ATPAF2: variants seen among roughly 807,000 people sequenced by gnomAD.
ATPAF2 encodes the protein ATP12 homolog.
A neutral mutation model predicts 36.6 loss-of-function variants in ATPAF2; 30 were observed. The observed-to-expected ratio is 0.82, with a 90% CI of 0.61 to 1.11. ATPAF2 has a LOEUF of 1.11. Among genes scored for constraint, ATPAF2 ranks in the 50% most tolerant of loss-of-function variants. The probability of loss-of-function intolerance (pLI) is 0.00; values close to 1 mark genes in which losing one functional copy is unlikely to be tolerated. For missense variants in ATPAF2, 321 were observed against 372.3 expected, an observed-to-expected ratio of 0.86 and a Z score of 1.13; for synonymous variants, 140 against 152.6, an observed-to-expected ratio of 0.92 and a Z score of 0.61.
intron 3 of ATPAF2, chr17:18,027,941 C>T: frequency 2.2e-6 from 1 of 454,524 alleles, no homozygotes; most frequent in African/African-American, 2.0e-5. Context: ...AAATGGCCAG[C>T]TGCTGTCATA....
chr17:18,025,246 C>T (rs1362865958), intron 4 of ATPAF2: 2 of 194,504 alleles, frequency 1.0e-5, no homozygotes, highest in African/African-American at 2.4e-5. Context: ...CATAAGTCCA[C>T]CCACCTCCTG....
rs1301281645 is a variant in ATPAF2, at chr17:18,020,891, C to T, written c.732+232G>A. On this transcript the variant is annotated intron_variant, in intron 7 of 7. Coordinates refer to ENST00000474627, the MANE Select transcript of ATPAF2 (RefSeq NM_145691.4). ...GCCCAGGCTGGTCTCAAACTCCTGACCTCAAATGATCCATCCTCCTCAGCC... is the reference window on the plus strand; with the variant it reads ...GCCCAGGCTGGTCTCAAACTCCTGATCTCAAATGATCCATCCTCCTCAGCC... The T allele has an allele frequency of 1.7e-5, 19 of 1,102,502 alleles. No individual in the cohort carries two copies. In the South Asian group the frequency reaches 2.9e-4, roughly 17 times the overall value. The allele number at this position is 1,102,502 out of a possible 1,614,324, so 68.3% of individuals were successfully genotyped here. A position where few individuals can be genotyped will look rare whatever the true frequency, so the allele number is the denominator to read the frequency against.
chr17:18,032,537 G>A (rs982345505), intron 1 of ATPAF2, among the ~76,000 whole-genome samples: 4 of 152,246 alleles, frequency 2.6e-5, no homozygotes, highest in African/African-American at 9.6e-5. Flanking sequence ...GCACATAGAT[G>A]TGTTTTAGCC....
intron 7 of ATPAF2, among the ~76,000 whole-genome samples, chr17:18,020,419 A>G (rs2145485608): frequency 6.6e-6 from 1 of 152,360 alleles, no homozygotes; most frequent in South Asian, 2.1e-4. Flanking sequence ...TATCAAGCCC[A>G]GATGGTCTTT....
intron 7 of ATPAF2, among the ~76,000 whole-genome samples, chr17:18,019,968 C>G (rs768732827): frequency 6.6e-6 from 1 of 152,202 alleles, no homozygotes; most frequent in Non-Finnish European, 1.5e-5. Context: ...CAAGTCACCC[C>G]CTTCCTATGT....
At chr17:18,016,435 G>A, downstream of ATPAF2, 1 of 809,328 alleles carries the variant, frequency 1.2e-6, no homozygotes, top group Non-Finnish European at 2.0e-6. Context: ...CTGGGGAGGC[G>A]CTGAAGCAAA....
intron 1 of ATPAF2, among the ~76,000 whole-genome samples, chr17:18,028,972 G>A (rs990343472): frequency 8.5e-5 from 13 of 152,192 alleles, no homozygotes; most frequent in Non-Finnish European, 1.0e-4. Flanking sequence ...CACCACCAGT[G>A]CCACCTCATG....
intron 3 of ATPAF2, 42 bp downstream of exon 3, chr17:18,028,190 G>C (rs893273775): frequency 6.2e-7 from 1 of 1,613,696 alleles, no homozygotes; most frequent in Non-Finnish European, 8.5e-7. Context: ...ACGAAGCCCT[G>C]GGTGGGTCTC....
At chr17:18,016,107 C>T (rs2044352859), downstream of ATPAF2, 4 of 1,613,604 alleles carry the variant, frequency 2.5e-6, no homozygotes, top group Admixed American at 1.7e-5. Context: ...GTCGGGGCAT[C>T]GCACGACATC....
In ATPAF2 at chr17:18,018,625, C is replaced by G; in HGVS notation, c.794G>C (p.Arg265Pro). ...HDYELQELRARTAAGTLFIHL... is the reference protein window; with the variant it reads ...HDYELQELRAPTAAGTLFIHL... ...GATGAAGAGGGTGCCGGCGGCGGTGCGGGCCCGCAGCTCCTGCAGCTCATA... is the reference window on the plus strand; with the variant it reads ...GATGAAGAGGGTGCCGGCGGCGGTGGGGGCCCGCAGCTCCTGCAGCTCATA... Residue 265 changes from arginine (R) to proline (P), a missense_variant, in exon 8 of 8, where the codon CGC becomes CCC. Physicochemically the swap from Arg to Pro is moderately radical, Grantham distance 103. Coordinates refer to ENST00000474627, the MANE Select transcript of ATPAF2 (RefSeq NM_145691.4). 1 of 1,613,982 alleles carries G rather than the reference C, an allele frequency of 6.2e-7. No individual in the cohort carries two copies. The highest frequency in any genetic ancestry group is 1.1e-5 in the South Asian group (1 of 91,082).
downstream of ATPAF2, chr17:18,016,277 AT>A (rs1469107634): frequency 1.1e-5 from 16 of 1,413,134 alleles, no homozygotes; most frequent in Non-Finnish European, 1.6e-5. Flanking sequence ...AGTGGATAGA[AT>A]TTTCATTAAG....
chr17:18,022,841 T>C (rs2044489217), intron 5 of ATPAF2, among the ~76,000 whole-genome samples: 1 of 151,962 alleles, frequency 6.6e-6, no homozygotes, highest in South Asian at 2.1e-4. Flanking sequence ...AAAATCCGGC[T>C]GGGGCCGGGC....
intron 1 of ATPAF2, among the ~76,000 whole-genome samples, chr17:18,033,194 C>A (rs1200389740): frequency 6.6e-6 from 1 of 151,852 alleles, no homozygotes; most frequent in South Asian, 2.1e-4. Flanking sequence ...CATGGTGAAA[C>A]CCTGTCTCTA....
rs2044453492 is a variant in ATPAF2, at chr17:18,020,462, G to A, written c.732+661C>T. ...CGTGAACCTCCTTGTGCAGAGTGAG[G>A]CCTGACGGCCTTGGCCCTAAAATCA... On this transcript the variant is annotated intron_variant, in intron 7 of 7. Coordinates refer to ENST00000474627, the MANE Select transcript of ATPAF2 (RefSeq NM_145691.4). Among the ~76,000 whole-genome samples, 6 of 152,300 alleles carry A rather than the reference G, an allele frequency of 3.9e-5. No individual in the cohort carries two copies. The South Asian group carries it at 8.3e-4, about 21-fold the overall frequency.
At chr17:18,020,906 C>A in intron 7 of ATPAF2, 1 of 1,244,776 alleles carries the variant, frequency 8.0e-7, no homozygotes. Flanking sequence ...AATGATCCAT[C>A]CTCCTCAGCC....
At chr17:18,024,586 T>TG (rs1201705312) in intron 5 of ATPAF2, 38 bp downstream of exon 5, 2 of 1,557,912 alleles carry the variant, frequency 1.3e-6, no homozygotes, top group Non-Finnish European at 1.8e-6. Context: ...CAAACGCAGG[T>TG]GCCCAGTCAG....
chr17:18,022,377 G>A (rs1490621468), intron 5 of ATPAF2, among the ~76,000 whole-genome samples: 1 of 152,054 alleles, frequency 6.6e-6, no homozygotes, highest in African/African-American at 2.4e-5. Flanking sequence ...GACCTCCTAG[G>A]CTCAAGCGAT....
chr17:18,029,533 A>C (rs919220561), intron 1 of ATPAF2, among the ~76,000 whole-genome samples: 1 of 152,214 alleles, frequency 6.6e-6, no homozygotes, highest in Non-Finnish European at 1.5e-5. Flanking sequence ...TTTATTGGAA[A>C]TAATGATGCA....
At chr17:18,036,106 G>A (rs764299443) in intron 1 of ATPAF2, among the ~76,000 whole-genome samples, 2 of 152,084 alleles carry the variant, frequency 1.3e-5, no homozygotes, top group Non-Finnish European at 2.9e-5. Flanking sequence ...TGACCCTTTC[G>A]TAAACTCCTC....
Sources: allele counts gnomAD v4.1 joint callset (sites outside exome capture counted in the v4.1 genomes callset), GRCh38; gene constraint gnomAD v4.1.1; transcripts MANE v1.5; gene names NCBI Gene and HGNC (gene_info 2026-07-23, HGNC 2026-07-21).